Variants in ATG5 observed in about 807,000 individuals in gnomAD.
ATG5 encodes autophagy related 5.
Under a neutral mutation model 36.5 loss-of-function variants are expected in ATG5, and 14 were observed. The ratio of observed to expected loss-of-function variants is 0.38; its 90% CI spans 0.25 to 0.60. The LOEUF is 0.60. ATG5 is among the 20% of genes least tolerant of loss of function. The pLI is 0.60. For synonymous variants in ATG5, 95 were observed against 101.5 expected, an observed-to-expected ratio of 0.94 and a Z score of 0.38; for missense variants, 195 against 326.7, an observed-to-expected ratio of 0.60 and a Z score of 3.11.
chr6:106,295,150 T>C (rs1780494523), intron 3 of ATG5, among the ~76,000 whole-genome samples: 1 of 152,166 alleles, frequency 6.6e-6, no homozygotes, highest in Non-Finnish European at 1.5e-5. Context: ...TCTAAAGTAT[T>C]AAAATTGAAC....
chr6:106,260,930 T>C (rs1778994647), intron 5 of ATG5, among the ~76,000 whole-genome samples: 2 of 152,178 alleles, frequency 1.3e-5, no homozygotes, highest in African/African-American at 4.8e-5. Flanking sequence ...GGCTTGACAT[T>C]CTCAATACAA....
chr6:106,193,605 A>G (rs1011585117), intron 7 of ATG5, among the ~76,000 whole-genome samples: 1 of 152,222 alleles, frequency 6.6e-6, no homozygotes, highest in African/African-American at 2.4e-5. Context: ...TAAGATAAAA[A>G]TGTGGTAAAA....
At chr6:106,286,447 A>G (rs1165646582) in intron 4 of ATG5, among the ~76,000 whole-genome samples, 2 of 152,238 alleles carry the variant, frequency 1.3e-5, no homozygotes, top group Non-Finnish European at 2.9e-5. Flanking sequence ...CTAAAAGTAT[A>G]TGTTAACATC....
At chr6:106,319,768 C>T (rs955361937) in intron 1 of ATG5, among the ~76,000 whole-genome samples, 1 of 152,196 alleles carries the variant, frequency 6.6e-6, no homozygotes, top group African/African-American at 2.4e-5. Flanking sequence ...GGAGAAGGAT[C>T]ATATCTCATT....
At chr6:106,291,999 T>C (rs1348936858) in intron 4 of ATG5, among the ~76,000 whole-genome samples, 6 of 152,152 alleles carry the variant, frequency 3.9e-5, no homozygotes, top group Admixed American at 2.0e-4. Context: ...TGAGCAACCT[T>C]TGGGCAGTAA....
At chr6:106,263,712 A>G (rs1779115740) in intron 5 of ATG5, among the ~76,000 whole-genome samples, 1 of 152,168 alleles carries the variant, frequency 6.6e-6, no homozygotes, top group Non-Finnish European at 1.5e-5. Context: ...ACCCAGGCGA[A>G]CAGGGTCTAG....
intron 7 of ATG5, among the ~76,000 whole-genome samples, chr6:106,201,273 A>ATGTG (rs1436145806): frequency 1.8e-3 from 167 of 91,750 alleles, no homozygotes; most frequent in African/African-American, 9.4e-3. Flanking sequence ...ATTCAAGTGT[A>ATGTG]TATGTGTGTG....
intron 1 of ATG5, among the ~76,000 whole-genome samples, chr6:106,323,556 T>C (rs1771180707): frequency 1.3e-5 from 2 of 152,150 alleles, no homozygotes; most frequent in South Asian, 4.1e-4. Context: ...ATTCTTTAGT[T>C]GCTCAGTCCG....
intron 1 of ATG5, among the ~76,000 whole-genome samples, chr6:106,318,509 T>C (rs1307738150): frequency 6.6e-6 from 1 of 152,176 alleles, no homozygotes; most frequent in Non-Finnish European, 1.5e-5. Context: ...AAGTCTTACG[T>C]TCCAGCAAAG....
chr6:106,251,577 G>A lies in ATG5; in HGVS notation c.479-3333C>T, dbSNP rs114639640. Among the ~76,000 whole-genome samples the A allele has an allele frequency of 9.9e-3, 843 of 85,098 alleles. 10 individuals carry two copies. The highest frequency in any genetic ancestry group is 0.031 in the African/African-American group (738 of 24,106). 55.8% of individuals were successfully genotyped at this position (85,098 alleles called of 152,430 possible). On this transcript the variant is annotated intron_variant, in intron 5 of 7. Transcript: ENST00000369076. Reference sequence around the variant, plus strand: ...TTAACTTTAATCTTCTTATAGAAACGCTATATTCTTATATTAAAAAGGTAT... The same window carrying A: ...TTAACTTTAATCTTCTTATAGAAACACTATATTCTTATATTAAAAAGGTAT...
rs35701133 is a variant in ATG5, at chr6:106,243,904, C to CTTTTT, written c.573+4241_573+4245dup. Among the ~76,000 whole-genome samples the CTTTTT allele has an allele frequency of 4.2e-4, 23 of 54,936 alleles. 1 individual carries two copies. In the Admixed American group the frequency reaches 5.4e-3, roughly 13 times the overall value. The allele number at this position is 54,936 out of a possible 152,430, so 36.0% of individuals were successfully genotyped here. A position where few individuals can be genotyped will look rare whatever the true frequency, so the allele number is the denominator to read the frequency against. Reference sequence around the variant, plus strand: ...AAAACAAAGATAAGTAGGAACCATCCTTTTTTTTTTTTTTTTTTTTTTTTT... The same window carrying CTTTTT: ...AAAACAAAGATAAGTAGGAACCATCCTTTTTTTTTTTTTTTTTTTTTTTTTTTTTT... On this transcript the variant is annotated intron_variant, in intron 6 of 7. Transcript: ENST00000369076.
intron 1 of ATG5, among the ~76,000 whole-genome samples, chr6:106,318,572 A>T (rs1177403163): frequency 6.6e-6 from 1 of 152,202 alleles, no homozygotes; most frequent in East Asian, 1.9e-4. Context: ...TGAAAGATAA[A>T]TTGGTACTTT....
intron 5 of ATG5, among the ~76,000 whole-genome samples, chr6:106,278,408 G>A (rs548519322): frequency 3.3e-5 from 5 of 152,118 alleles, no homozygotes; most frequent in Non-Finnish European, 7.4e-5. Context: ...GTATTTCAAT[G>A]TCATAAAATA....
intron 7 of ATG5, among the ~76,000 whole-genome samples, chr6:106,194,626 C>G (rs1421853943): frequency 6.6e-6 from 1 of 151,858 alleles, no homozygotes; most frequent in Non-Finnish European, 1.5e-5. Context: ...CAACCTCTGG[C>G]TCCTGGGTTC....
intron 3 of ATG5, among the ~76,000 whole-genome samples, chr6:106,298,235 A>T (rs1418364100): frequency 6.6e-6 from 1 of 152,096 alleles, no homozygotes; most frequent in Non-Finnish European, 1.5e-5. Flanking sequence ...CTGGGATTAC[A>T]GTCATGGGCC....
rs1350264746 is a variant in ATG5, at chr6:106,185,742, AAC to A, written c.*796_*797del. On this transcript the variant is annotated 3_prime_UTR_variant, in exon 8 of 8. Coordinates refer to ENST00000369076, the MANE Select transcript of ATG5 (RefSeq NM_004849.4). ...ATATTTATACGTGTAGTGTGTAAAG[AAC>A]ACAGGTTTTTTAATTGGCAGCAAGA... 1.3e-5 allele frequency: 2 copies of A among 152,380 alleles called. No homozygotes were observed. The highest frequency in any genetic ancestry group is 6.5e-5 in the Admixed American group (1 of 15,274). 9.4% of individuals were successfully genotyped at this position (152,380 alleles called of 1,614,324 possible).
chr6:106,228,285 G>A (rs1777526343), intron 6 of ATG5, among the ~76,000 whole-genome samples: 3 of 152,146 alleles, frequency 2.0e-5, no homozygotes, highest in Admixed American at 2.0e-4. Context: ...CGCCATCGCA[G>A]GCCTGCCACT....
intron 3 of ATG5, among the ~76,000 whole-genome samples, chr6:106,298,683 T>C (rs1770081035): frequency 6.6e-6 from 1 of 152,252 alleles, no homozygotes; most frequent in African/African-American, 2.4e-5. Flanking sequence ...CATTTACTTA[T>C]TTCTATTGTC....
intron 2 of ATG5, among the ~76,000 whole-genome samples, chr6:106,314,604 T>C (rs1770770373): frequency 1.3e-5 from 2 of 152,182 alleles, no homozygotes; most frequent in African/African-American, 4.8e-5. Flanking sequence ...CAGACTTAAA[T>C]TATTTTTCAG....
Sources: gnomAD v4.1 joint callset for allele counts (sites outside exome capture counted in the v4.1 genomes callset) on GRCh38, gnomAD v4.1.1 for gene constraint, MANE v1.5 for transcripts, NCBI Gene and HGNC (gene_info 2026-07-23, HGNC 2026-07-21) for gene names.